Variants in ACSM5 observed in about 807,000 individuals in gnomAD.
ACSM5 encodes acyl-coenzyme A synthetase ACSM5, mitochondrial.
A neutral mutation model predicts 71.6 loss-of-function variants in ACSM5; 56 were observed. The observed-to-expected ratio is 0.78, with a 90% confidence interval of 0.63 to 0.98. The LOEUF (loss-of-function observed/expected upper bound fraction) is 0.98, where lower values mean the gene tolerates loss of function less well. Ranked by LOEUF, ACSM5 falls within the 50% of genes least tolerant of loss-of-function variation. The pLI, the probability that ACSM5 is intolerant of heterozygous loss-of-function variation, is 0.00. For synonymous variants in ACSM5, 285 were observed against 281.5 expected (o/e 1.01, Z -0.12); for missense variants, 723 against 726.0 (o/e 1.00, Z 0.05).
At chr16:20,436,139 T>A (rs1250059702) in intron 10 of ACSM5, among the ~76,000 whole-genome samples, 1 of 112,130 alleles carries the variant, frequency 8.9e-6, no homozygotes, top group African/African-American at 3.9e-5. Flanking sequence ...CTTCCTTTCT[T>A]TTCCTTCTTC....
intron 2 of ACSM5, 103 bp from the exon 3 acceptor site, chr16:20,417,956 C>G: frequency 3.4e-6 from 4 of 1,160,062 alleles, no homozygotes; most frequent in Non-Finnish European, 4.8e-6. Context: ...TTTTTGAACC[C>G]TGTGAATTTT....
At chr16:20,438,170 G>T (rs1270637204) in intron 12 of ACSM5, among the ~76,000 whole-genome samples, 1 of 151,836 alleles carries the variant, frequency 6.6e-6, no homozygotes, top group Non-Finnish European at 1.5e-5. Flanking sequence ...GCATATTATG[G>T]GAAAGATCAG....
intron 1 of ACSM5, 55 bp downstream of exon 1, chr16:20,409,720 G>A (rs62034983): frequency 6.6e-6 from 1 of 152,172 alleles, no homozygotes; most frequent in Non-Finnish European, 1.5e-5. Context: ...TGAGGCCTTT[G>A]CTGATTAAAT....
intron 1 of ACSM5, among the ~76,000 whole-genome samples, chr16:20,410,540 G>A (rs975072204): frequency 6.6e-6 from 1 of 152,078 alleles, no homozygotes; most frequent in Non-Finnish European, 1.5e-5. Flanking sequence ...GCCCTGCCTG[G>A]GCAACATAGT....
At chr16:20,427,729 T>C in intron 6 of ACSM5, 59 bp from the exon 7 acceptor site, 3 of 1,199,560 alleles carry the variant, frequency 2.5e-6, no homozygotes, top group South Asian at 2.5e-5. Context: ...TTTGGCTCCA[T>C]CTTCATGGTC....
intron 2 of ACSM5, among the ~76,000 whole-genome samples, chr16:20,417,163 G>C (rs1422773612): frequency 3.9e-5 from 6 of 152,084 alleles, no homozygotes; most frequent in Non-Finnish European, 7.4e-5. Flanking sequence ...AGTTAACATA[G>C]AGTTATTATA....
Position 20,427,861 on chromosome 16 carries a change from T to C in ACSM5, c.995T>C (p.Leu332Pro), listed in dbSNP as rs760173518. ...TTTCGGCTGCTTGTGCAGGAGGATCTGACCAGGTACAGCCCGTCTATTTCG... is the reference window on the plus strand; with the variant it reads ...TTTCGGCTGCTTGTGCAGGAGGATCCGACCAGGTACAGCCCGTCTATTTCG... Reference protein sequence around the residue: ...TIFRLLVQEDLTRYQFQSLRH... With the variant: ...TIFRLLVQEDPTRYQFQSLRH... Residue 332 changes from leucine (L) to proline (P), a missense_variant, in exon 7 of 14, where the codon CTG becomes CCG. Physicochemically the swap from Leu to Pro is moderately conservative, Grantham distance 98. Coordinates refer to ENST00000331849, the MANE Select transcript of ACSM5 (RefSeq NM_017888.3). 3.1e-6 allele frequency: 5 copies of C among 1,613,128 alleles called. No individual in the cohort carries two copies. The East Asian group carries it at 1.1e-4, about 36-fold the overall frequency.
rs61319442 is a variant in ACSM5, at chr16:20,437,943, A to AC, written c.1536+584dup. ...GTTCAAGTGATCTTCCTGCCCCAGC[A>AC]CCCCCCCCAGTAGCTGGGATTACAG... On this transcript the variant is annotated intron_variant, in intron 12 of 13. Coordinates refer to ENST00000331849, the MANE Select transcript of ACSM5 (RefSeq NM_017888.3). Among the ~76,000 whole-genome samples, 127 of 150,760 alleles carry AC rather than the reference A, an allele frequency of 8.4e-4. 1 individual carries two copies. The highest frequency in any genetic ancestry group is 3.5e-3 in the East Asian group (18 of 5,128).
At chr16:20,421,615 C>CTATATATA (rs59443556) in intron 5 of ACSM5, among the ~76,000 whole-genome samples, 24 of 105,810 alleles carry the variant, frequency 2.3e-4, no homozygotes, top group South Asian at 7.2e-4. Flanking sequence ...TAAATCGTGG[C>CTATATATA]TATATATATA....
rs745876985 is a variant in ACSM5, at chr16:20,431,080, G to A, written c.1206+7G>A. 1.2e-6 allele frequency: 2 copies of A among 1,611,848 alleles called. No homozygotes were observed. The highest frequency in any genetic ancestry group is 1.7e-6 in the Non-Finnish European group (2 of 1,178,922). On this transcript the variant is annotated splice_region_variant and intron_variant, in intron 9 of 13. Coordinates refer to ENST00000331849, the MANE Select transcript of ACSM5 (RefSeq NM_017888.3). ...CCCACCCTACGATGTGCAGGTAGCA[G>A]CCTCCCCCAACTTCTGGCAAGGCCT... is the stretch of plus-strand genomic sequence containing the variant.
chr16:20,425,989 C>A (rs1322444868), intron 6 of ACSM5, among the ~76,000 whole-genome samples: 1 of 152,156 alleles, frequency 6.6e-6, no homozygotes, highest in Non-Finnish European at 1.5e-5. Flanking sequence ...ACTTTTAGTT[C>A]TTTAAGGAAT....
In ACSM5 at chr16:20,440,159, T is replaced by A. The variant is rs912463287; in HGVS notation, c.1657-185T>A. 484 of 659,252 alleles carry A rather than the reference T, an allele frequency of 7.3e-4. 9 individuals are homozygous for A. Among genetic ancestry groups the A allele is most frequent in the Non-Finnish European group, 1.2e-3 (440 of 376,624 alleles). The allele number at this position is 659,252 out of a possible 1,614,324, so 40.8% of individuals were successfully genotyped here. The stretch of plus-strand genomic sequence containing the variant: ...ACAAATCAGATACAAGAGGTAGTGC[T>A]CAAATGCTGTCAAAATGATCCTGTG... On this transcript the variant is annotated intron_variant, in intron 13 of 13. Coordinates refer to ENST00000331849, the MANE Select transcript of ACSM5 (RefSeq NM_017888.3).
At chr16:20,427,607 C>G (rs1967008857) in intron 6 of ACSM5, among the ~76,000 whole-genome samples, 181 bp from the exon 7 acceptor site, 1 of 152,220 alleles carries the variant, frequency 6.6e-6, no homozygotes, top group Non-Finnish European at 1.5e-5. Context: ...AGAGGGGATC[C>G]TCCAAAGGTG....
intron 2 of ACSM5, among the ~76,000 whole-genome samples, chr16:20,414,377 AC>A (rs1966852774): frequency 6.6e-6 from 1 of 152,214 alleles, no homozygotes; most frequent in Admixed American, 6.5e-5. Flanking sequence ...AGGAGATGTG[AC>A]AATGAAAACA....
chr16:20,437,031 C>G (rs570496423), intron 10 of ACSM5, 21 bp from the exon 11 acceptor site: 2 of 1,613,812 alleles, frequency 1.2e-6, no homozygotes, highest in East Asian at 4.5e-5. Context: ...GGGTCCTTCA[C>G]GGGTTGTCTT....
rs148610822 is a variant in ACSM5 at position 20,437,108 on chromosome 16, C to G, written c.1365C>G (p.Asp455Glu). 4.4e-3 allele frequency: 7,099 copies of G among 1,611,702 alleles called. 27 individuals are homozygous for G. Among genetic ancestry groups the G allele is most frequent in the Non-Finnish European group, 5.4e-3 (6,353 of 1,178,070 alleles). The change falls in exon 11 of 14, where the codon GAC becomes GAG. Residue 455 changes from aspartate to glutamate, a missense_variant. Physicochemically the swap from Asp to Glu is conservative, Grantham distance 45 (BLOSUM62 2). Coordinates refer to ENST00000331849, the MANE Select transcript of ACSM5 (RefSeq NM_017888.3). ...AAGGGGACTTTTACATCACAGGGGA[C>G]CGAGCTCGCATGGACAAGGATGGCT... ...SEQGDFYITG[D>E]RARMDKDGYF...
chr16:20,417,457 T>C (rs1966859038), intron 2 of ACSM5, among the ~76,000 whole-genome samples: 1 of 152,166 alleles, frequency 6.6e-6, no homozygotes, highest in Non-Finnish European at 1.5e-5. Flanking sequence ...AACATAAAGC[T>C]ACATATCATA....
At chr16:20,417,578 G>T (rs1357963845) in intron 2 of ACSM5, among the ~76,000 whole-genome samples, 1 of 152,162 alleles carries the variant, frequency 6.6e-6, no homozygotes, top group Non-Finnish European at 1.5e-5. Flanking sequence ...CAGCTAATTT[G>T]CACAATGTTT....
At chr16:20,411,388 A>G in intron 1 of ACSM5, 82 bp from the exon 2 acceptor site, 1 of 1,139,476 alleles carries the variant, frequency 8.8e-7, no homozygotes, top group South Asian at 1.4e-5. Context: ...ATCAGCACTA[A>G]CCACAGGTTT....
Sources: allele counts gnomAD v4.1 joint callset (sites outside exome capture counted in the v4.1 genomes callset), GRCh38; gene constraint gnomAD v4.1.1; transcripts MANE v1.5; gene names NCBI Gene and HGNC (gene_info 2026-07-23, HGNC 2026-07-21).